RCOR3: variants seen among roughly 807,000 people sequenced by gnomAD.
The protein encoded by RCOR3 is REST corepressor 3.
In RCOR3, 13 loss-of-function variants were observed where a neutral mutation model predicts 64.1. That is an observed-to-expected ratio of 0.20 (90% CI 0.13 to 0.32). The LOEUF (loss-of-function observed/expected upper bound fraction) is 0.32. Ranked by LOEUF, RCOR3 falls within the 10% of genes least tolerant of loss-of-function variation. The probability of loss-of-function intolerance (pLI) is 1.00; values close to 1 mark genes in which losing one functional copy is unlikely to be tolerated. For synonymous variants in RCOR3, 215 were observed against 239.0 expected, an observed-to-expected ratio of 0.90 and a Z score of 0.93; for missense variants, 489 against 701.2, an observed-to-expected ratio of 0.70 and a Z score of 3.42.
intron 8 of RCOR3, among the ~76,000 whole-genome samples, chr1:211,295,171 G>C (rs1194489200): frequency 6.6e-6 from 1 of 150,472 alleles, no homozygotes; most frequent in Non-Finnish European, 1.5e-5. Flanking sequence ...CTAGTTCAGT[G>C]ACTTTTAATG....
chr1:211,277,157 T>TTTTC (rs968604232), intron 5 of RCOR3, among the ~76,000 whole-genome samples: 1 of 150,678 alleles, frequency 6.6e-6, no homozygotes, highest in African/African-American at 2.5e-5. Flanking sequence ...GTGCTGCTTT[T>TTTTC]TTTCTTTCTT....
chr1:211,296,811 C>T (rs2102611965), intron 9 of RCOR3, among the ~76,000 whole-genome samples: 1 of 151,872 alleles, frequency 6.6e-6, no homozygotes, highest in African/African-American at 2.4e-5. Context: ...CCAAAAATTA[C>T]TATTTTATTT....
chr1:211,305,884 A>C (rs1205791786), intron 10 of RCOR3, among the ~76,000 whole-genome samples: 1 of 152,176 alleles, frequency 6.6e-6, no homozygotes, highest in South Asian at 2.1e-4. Context: ...ATATATAACC[A>C]AACATTTCCT....
rs902067332 is a variant in RCOR3, at chr1:211,262,107, G to T, written c.223+1943G>T. 4.0e-4 allele frequency among the ~76,000 whole-genome samples: 45 copies of T among 112,324 alleles called. No homozygotes were observed. The Admixed American group carries it at 6.1e-3, about 15-fold the overall frequency. 73.7% of individuals were successfully genotyped at this position (112,324 alleles called of 152,430 possible). A position where few individuals can be genotyped will look rare whatever the true frequency, so the allele number is the denominator to read the frequency against. ...GGCTGGAGTGCAGTGGCGTAATCTC[G>T]GCTCACTGCAACCTCTGCCTCCCGG... On this transcript the variant is annotated intron_variant, in intron 2 of 11. Coordinates refer to ENST00000419091, the MANE Select transcript of RCOR3 (RefSeq NM_001136223.3).
intron 9 of RCOR3, 124 bp from the exon 10 acceptor site, chr1:211,303,959 A>T (rs1700623500): frequency 4.0e-6 from 2 of 494,990 alleles, no homozygotes; most frequent in Non-Finnish European, 7.2e-6. Context: ...TAAAAATGGA[A>T]TCTTCATGAA....
chr1:211,289,678 C>T (rs1699002795), intron 8 of RCOR3, among the ~76,000 whole-genome samples: 1 of 152,172 alleles, frequency 6.6e-6, no homozygotes, highest in East Asian at 1.9e-4. Flanking sequence ...AATCATTCTT[C>T]TCTTGCAGGT....
At chr1:211,299,546 T>C (rs1700170995) in intron 9 of RCOR3, among the ~76,000 whole-genome samples, 1 of 152,150 alleles carries the variant, frequency 6.6e-6, no homozygotes, top group Admixed American at 6.5e-5. Flanking sequence ...GAGTAGAAGA[T>C]TTAATTTGGT....
intron 7 of RCOR3, among the ~76,000 whole-genome samples, chr1:211,279,664 A>G (rs1470269040): frequency 2.0e-5 from 3 of 152,160 alleles, no homozygotes; most frequent in South Asian, 2.1e-4. Context: ...ATTCTCTTCT[A>G]CTGTAATTTT....
At chr1:211,293,008 C>T (rs529550588) in intron 8 of RCOR3, among the ~76,000 whole-genome samples, 1 of 152,012 alleles carries the variant, frequency 6.6e-6, no homozygotes, top group African/African-American at 2.4e-5. Context: ...AGCTTGAATC[C>T]GGGCTGCAGA....
At chr1:211,292,868 G>A (rs770419811) in intron 8 of RCOR3, among the ~76,000 whole-genome samples, 1 of 151,958 alleles carries the variant, frequency 6.6e-6, no homozygotes, top group Non-Finnish European at 1.5e-5. Flanking sequence ...GGTGAATCGC[G>A]AGGTTAGGAG....
intron 8 of RCOR3, among the ~76,000 whole-genome samples, chr1:211,291,942 G>C (rs542122887): frequency 2.0e-5 from 3 of 152,236 alleles, no homozygotes; most frequent in African/African-American, 7.2e-5. Context: ...AACATAGTGA[G>C]ACTTCATCTC....
chr1:211,304,401 A>T (rs1317862010), intron 10 of RCOR3, among the ~76,000 whole-genome samples: 1 of 152,200 alleles, frequency 6.6e-6, no homozygotes, highest in Non-Finnish European at 1.5e-5. Context: ...TGAAAAAGTC[A>T]CATGGGCTCT....
At chr1:211,308,952 T>A (rs114348494) in intron 10 of RCOR3, among the ~76,000 whole-genome samples, 4,288 of 151,926 alleles carry the variant, frequency 0.028, 81 homozygotes, top group South Asian at 0.074. Flanking sequence ...CTTCAAGTGG[T>A]CTGTCTGCCT....
At chr1:211,285,136 A>G (rs1371103220) in intron 7 of RCOR3, among the ~76,000 whole-genome samples, 3 of 152,206 alleles carry the variant, frequency 2.0e-5, no homozygotes. Context: ...TTACCTGAAA[A>G]TAATAGCTAT....
At position 211,281,795 on chromosome 1, in the gene RCOR3, A is replaced by G. The variant is rs1571880682; in HGVS notation, c.720+2479A>G. Among the ~76,000 whole-genome samples the G allele has an allele frequency of 3.3e-5, 5 of 151,580 alleles. No individual in the cohort carries two copies. In the South Asian group the frequency reaches 1.0e-3, roughly 32 times the overall value. Reference sequence around the variant, plus strand: ...TCTTGTGCCTTATCTTGAATTGACAACCTCCTTATTTCTCCTTAAATCTGT... The same window carrying G: ...TCTTGTGCCTTATCTTGAATTGACAGCCTCCTTATTTCTCCTTAAATCTGT... On this transcript the variant is annotated intron_variant, in intron 7 of 11. Transcript: ENST00000419091.
chr1:211,294,566 T>C (rs1398588568), intron 8 of RCOR3, among the ~76,000 whole-genome samples: 1 of 150,842 alleles, frequency 6.6e-6, no homozygotes, highest in Non-Finnish European at 1.5e-5. Context: ...TAGCACACAC[T>C]GACTTTTCTT....
chr1:211,284,723 C>T (rs1698293447), intron 7 of RCOR3, among the ~76,000 whole-genome samples: 1 of 151,934 alleles, frequency 6.6e-6, no homozygotes, highest in South Asian at 2.1e-4. Context: ...GGTCTTGCTA[C>T]ATTGTCCAGA....
chr1:211,277,067 C>T (rs1387573348), intron 5 of RCOR3, among the ~76,000 whole-genome samples: 3 of 148,402 alleles, frequency 2.0e-5, no homozygotes, highest in Non-Finnish European at 4.4e-5. Context: ...GCCTGGGCAA[C>T]AGCGCGAGAC....
At chr1:211,286,086 C>T (rs1481210755) in intron 7 of RCOR3, among the ~76,000 whole-genome samples, 1 of 152,206 alleles carries the variant, frequency 6.6e-6, no homozygotes, top group Non-Finnish European at 1.5e-5. Context: ...AAGGAGCATA[C>T]AGCTGGGCGT....
Sources: gnomAD v4.1 joint callset for allele counts (sites outside exome capture counted in the v4.1 genomes callset) on GRCh38, gnomAD v4.1.1 for gene constraint, MANE v1.5 for transcripts, NCBI Gene and HGNC (gene_info 2026-07-23, HGNC 2026-07-21) for gene names.